Variants in MCTP1 observed in about 807,000 individuals in gnomAD.
MCTP1 encodes the protein multiple C2 and transmembrane domain-containing protein 1.
A neutral mutation model predicts 120.6 loss-of-function variants in MCTP1; 69 were observed. The observed-to-expected ratio is 0.57, with a 90% CI of 0.47 to 0.70. The LOEUF (loss-of-function observed/expected upper bound fraction) is 0.70. Ranked by LOEUF, MCTP1 falls within the 30% of genes least tolerant of loss-of-function variation. The probability of loss-of-function intolerance (pLI) is 0.00; values close to 1 mark genes in which losing one functional copy is unlikely to be tolerated. For synonymous variants in MCTP1, 529 were observed against 493.1 expected (o/e 1.07, Z -0.96); for missense variants, 1,203 against 1,248.8 (o/e 0.96, Z 0.55).
intron 1 of MCTP1, among the ~76,000 whole-genome samples, chr5:95,063,677 C>A (rs944843880): frequency 1.3e-5 from 2 of 152,158 alleles, no homozygotes; most frequent in Admixed American, 6.5e-5. Context: ...CTCACTGCAG[C>A]TTTAACCTCC....
At chr5:94,808,654 G>GA (rs895240615) in intron 17 of MCTP1, among the ~76,000 whole-genome samples, 3 of 151,654 alleles carry the variant, frequency 2.0e-5, no homozygotes, top group African/African-American at 7.3e-5. Context: ...ATGTGTAGAG[G>GA]AAAAAAAATC....
At chr5:95,268,199 G>A (rs1455561639) in intron 1 of MCTP1, among the ~76,000 whole-genome samples, 3 of 152,194 alleles carry the variant, frequency 2.0e-5, no homozygotes, top group African/African-American at 7.2e-5. Context: ...AGCTCTATGT[G>A]AGCAGGAACT....
At chr5:94,958,236 A>G (rs867324553) in intron 2 of MCTP1, among the ~76,000 whole-genome samples, 5 of 152,378 alleles carry the variant, frequency 3.3e-5, no homozygotes, top group Middle Eastern at 6.8e-3. Flanking sequence ...CAAAGACACA[A>G]CATACCAGAA....
At chr5:94,979,338 C>G (rs1467120537) in intron 2 of MCTP1, 1 of 152,102 alleles carries the variant, frequency 6.6e-6, no homozygotes, top group Non-Finnish European at 1.5e-5. Context: ...CTACAAGGAA[C>G]CACATTCAGA....
intron 2 of MCTP1, among the ~76,000 whole-genome samples, chr5:94,970,932 T>C (rs1291806288): frequency 6.6e-6 from 1 of 151,948 alleles, no homozygotes; most frequent in East Asian, 1.9e-4. Context: ...AATTCATCAA[T>C]TTCAACGGGC....
At chr5:95,120,158 C>T (rs529647768) in intron 1 of MCTP1, among the ~76,000 whole-genome samples, 1 of 117,580 alleles carries the variant, frequency 8.5e-6, no homozygotes, top group African/African-American at 3.2e-5. Context: ...GCCTGGGCGA[C>T]AGAGCAAGAC....
chr5:94,752,121 A>ATATATATATATATATATATATT, intron 19 of MCTP1, among the ~76,000 whole-genome samples: 1 of 62,952 alleles, frequency 1.6e-5, no homozygotes, highest in African/African-American at 7.7e-5. Context: ...ATATATATAT[A>ATATATATATATATATATATATT]TATATATATA....
intron 1 of MCTP1, among the ~76,000 whole-genome samples, chr5:95,183,927 T>C (rs546454758): frequency 1.7e-3 from 264 of 151,798 alleles, no homozygotes; most frequent in Non-Finnish European, 3.6e-3. Flanking sequence ...AAACACCGCA[T>C]GTTCTCACTC....
chr5:94,754,983 G>A (rs1049957887), intron 19 of MCTP1, among the ~76,000 whole-genome samples: 1 of 152,110 alleles, frequency 6.6e-6, no homozygotes, highest in Non-Finnish European at 1.5e-5. Flanking sequence ...TGGACTGCCC[G>A]TTTTGGCGAC....
At chr5:94,916,365 G>A (rs1244578560) in intron 8 of MCTP1, among the ~76,000 whole-genome samples, 3 of 151,974 alleles carry the variant, frequency 2.0e-5, no homozygotes, top group South Asian at 2.1e-4. Context: ...GTTTTCTTAT[G>A]TTTGATTTTT....
chr5:95,123,237 T>C (rs1188046642), intron 1 of MCTP1, among the ~76,000 whole-genome samples: 1 of 152,064 alleles, frequency 6.6e-6, no homozygotes, highest in East Asian at 1.9e-4. Context: ...AACCCATAAA[T>C]ATGTATATCT....
In MCTP1 at chr5:94,912,428, CAAAAAAAAAAAAAAAAAAAAAA is replaced by C. The variant is rs564439495; in HGVS notation, c.1521+356_1521+377del. Among the ~76,000 whole-genome samples the C allele has an allele frequency of 1.4e-3, 44 of 31,450 alleles. 1 individual carries two copies. The East Asian group carries it at 0.059, about 42-fold the overall frequency. 20.6% of individuals were successfully genotyped at this position (31,450 alleles called of 152,430 possible). On this transcript the variant is annotated intron_variant, in intron 9 of 22. Transcript: ENST00000515393. Reference sequence around the variant, plus strand: ...GCCTGGTGACAGAGTGAGACTCCATCAAAAAAAAAAAAAAAAAAAAAAAAAAAAAAAAAAAAAAGCCGCACTC... The same window carrying C: ...GCCTGGTGACAGAGTGAGACTCCATCAAAAAAAAAAAAAAAAGCCGCACTC...
intron 19 of MCTP1, among the ~76,000 whole-genome samples, chr5:94,718,207 G>A (rs1208230624): frequency 2.6e-5 from 4 of 152,000 alleles, no homozygotes; most frequent in Admixed American, 6.6e-5. Flanking sequence ...AAATAAGACC[G>A]CACATCTACA....
chr5:95,191,565 T>C (rs1749829790), intron 1 of MCTP1, among the ~76,000 whole-genome samples: 1 of 152,046 alleles, frequency 6.6e-6, no homozygotes, highest in Non-Finnish European at 1.5e-5. Flanking sequence ...TACCCTCTCA[T>C]GACTCTCAGT....
At chr5:94,782,911 A>AAT (rs1445153430) in intron 18 of MCTP1, among the ~76,000 whole-genome samples, 1 of 152,056 alleles carries the variant, frequency 6.6e-6, no homozygotes, top group Admixed American at 6.6e-5. Flanking sequence ...CTTAAGGGGG[A>AAT]ATATCACAGA....
At chr5:94,834,563 T>C (rs1561716041) in intron 17 of MCTP1, among the ~76,000 whole-genome samples, 1 of 152,122 alleles carries the variant, frequency 6.6e-6, no homozygotes. Context: ...ATTTCAAAGC[T>C]GCAATGAATT....
At chr5:95,167,821 A>C (rs1462816324) in intron 1 of MCTP1, among the ~76,000 whole-genome samples, 9 of 152,126 alleles carry the variant, frequency 5.9e-5, no homozygotes, top group Admixed American at 6.5e-5. Flanking sequence ...AGTAGATTGG[A>C]AAAATTTTCT....
chr5:95,114,914 C>G (rs998119675), intron 1 of MCTP1, among the ~76,000 whole-genome samples: 1 of 152,210 alleles, frequency 6.6e-6, no homozygotes, highest in African/African-American at 2.4e-5. Flanking sequence ...ACTCCACTCC[C>G]AGCTCCAGAT....
At chr5:95,163,101 G>A (rs764411772) in intron 1 of MCTP1, among the ~76,000 whole-genome samples, 1 of 152,036 alleles carries the variant, frequency 6.6e-6, no homozygotes, top group Non-Finnish European at 1.5e-5. Context: ...CAAAATACAT[G>A]CTTTTGATTA....
Sources: gnomAD v4.1 joint callset for allele counts (sites outside exome capture counted in the v4.1 genomes callset) on GRCh38, gnomAD v4.1.1 for gene constraint, MANE v1.5 for transcripts, NCBI Gene and HGNC (gene_info 2026-07-23, HGNC 2026-07-21) for gene names.